The following PACRG variants were observed in gnomAD, a reference collection of about 807,000 sequenced individuals.
PACRG encodes parkin coregulated, also known as parkin coregulated gene protein.
A neutral mutation model predicts 29.7 loss-of-function variants in PACRG; 29 were observed. That is an observed-to-expected ratio of 0.98 (90% CI 0.73 to 1.33). The LOEUF (loss-of-function observed/expected upper bound fraction) is 1.33. Among genes scored for constraint, PACRG ranks in the 40% most tolerant of loss-of-function variants. The pLI is 0.00. For synonymous variants in PACRG, 116 were observed against 118.7 expected, an observed-to-expected ratio of 0.98 and a Z score of 0.15; for missense variants, 279 against 316.2, an observed-to-expected ratio of 0.88 and a Z score of 0.89.
chr6:163,077,242 A>G (rs1812629024), intron 3 of PACRG, among the ~76,000 whole-genome samples: 1 of 152,312 alleles, frequency 6.6e-6, no homozygotes, highest in East Asian at 1.9e-4. Flanking sequence ...ACGTGATTCT[A>G]TCATAAGCAG....
chr6:162,817,317 G>C (rs1787443120), intron 2 of PACRG, among the ~76,000 whole-genome samples: 1 of 152,180 alleles, frequency 6.6e-6, no homozygotes, highest in Non-Finnish European at 1.5e-5. Flanking sequence ...GGCACTCTAT[G>C]GTAACATCAG....
At chr6:162,857,751 G>C (rs550905635) in intron 2 of PACRG, among the ~76,000 whole-genome samples, 12 of 148,672 alleles carry the variant, frequency 8.1e-5, no homozygotes, top group Non-Finnish European at 1.5e-4. Context: ...GAATTCTCCA[G>C]ATGATCCATT....
intron 2 of PACRG, among the ~76,000 whole-genome samples, chr6:162,860,075 G>A (rs1791736696): frequency 6.6e-6 from 1 of 151,252 alleles, no homozygotes; most frequent in South Asian, 2.1e-4. Context: ...AGGTGGGGGT[G>A]GGGGAGAGAG....
chr6:162,972,977 T>C (rs1801653140), intron 2 of PACRG, among the ~76,000 whole-genome samples: 1 of 152,244 alleles, frequency 6.6e-6, no homozygotes, highest in Non-Finnish European at 1.5e-5. Flanking sequence ...TGTCATACTT[T>C]TGAAGAAGCT....
intron 4 of PACRG, among the ~76,000 whole-genome samples, chr6:163,137,526 G>A (rs1428704317): frequency 6.6e-6 from 1 of 152,118 alleles, no homozygotes; most frequent in African/African-American, 2.4e-5. Context: ...CAAGCGACAA[G>A]AACAGGGCGA....
intron 2 of PACRG, among the ~76,000 whole-genome samples, chr6:163,034,913 A>G (rs763183328): frequency 6.6e-6 from 1 of 152,232 alleles, no homozygotes; most frequent in Non-Finnish European, 1.5e-5. Context: ...CCATTGACAG[A>G]GCAGCCGTGA....
At chr6:162,985,433 A>G (rs116221831) in intron 2 of PACRG, among the ~76,000 whole-genome samples, 5,273 of 152,188 alleles carry the variant, frequency 0.035, 321 homozygotes, top group African/African-American at 0.12. Context: ...TAAACCACAT[A>G]AACGGAATTA....
chr6:162,801,234 G>A (rs6913341), intron 1 of PACRG, among the ~76,000 whole-genome samples: 67,190 of 151,838 alleles, frequency 0.44, 17,175 homozygotes, highest in African/African-American at 0.7. Context: ...TCAGCCTCCC[G>A]AGTAGCTGGG....
intron 4 of PACRG, among the ~76,000 whole-genome samples, chr6:163,265,477 G>C (rs1406057994): frequency 6.6e-6 from 1 of 152,194 alleles, no homozygotes; most frequent in African/African-American, 2.4e-5. Flanking sequence ...TTCAAGCACA[G>C]AATGAAGTGA....
intron 4 of PACRG, among the ~76,000 whole-genome samples, chr6:163,223,682 C>T (rs1309101509): frequency 6.6e-6 from 1 of 152,162 alleles, no homozygotes; most frequent in Non-Finnish European, 1.5e-5. Flanking sequence ...AGAAAGTGGT[C>T]AGAAAAGGCT....
chr6:162,806,757 C>A (rs754869563), intron 1 of PACRG, among the ~76,000 whole-genome samples: 2 of 152,128 alleles, frequency 1.3e-5, no homozygotes, highest in African/African-American at 4.8e-5. Context: ...TTTAAGTGCT[C>A]AGTGACCACT....
intron 4 of PACRG, among the ~76,000 whole-genome samples, chr6:163,279,617 T>A (rs1250636426): frequency 1.3e-5 from 2 of 152,186 alleles, no homozygotes; most frequent in Non-Finnish European, 2.9e-5. Flanking sequence ...GTTTTTGCTT[T>A]AAGGGCTCTT....
intron 2 of PACRG, among the ~76,000 whole-genome samples, chr6:162,830,706 TG>T (rs1220889049): frequency 6.6e-6 from 1 of 152,092 alleles, no homozygotes; most frequent in Non-Finnish European, 1.5e-5. Flanking sequence ...GCAGGCATGG[TG>T]GGGGGTAGAC....
intron 2 of PACRG, among the ~76,000 whole-genome samples, chr6:162,874,194 G>T (rs1251371628): frequency 6.7e-6 from 1 of 149,610 alleles, no homozygotes; most frequent in Admixed American, 6.7e-5. Context: ...ATGAAGGCTA[G>T]GGTATCAAAT....
At chr6:162,926,412 G>T (rs904388170) in intron 2 of PACRG, among the ~76,000 whole-genome samples, 3 of 152,066 alleles carry the variant, frequency 2.0e-5, no homozygotes, top group South Asian at 2.1e-4. Flanking sequence ...ATACTGCAAG[G>T]CTACATTAAC....
chr6:162,900,335 C>T (rs944486079), intron 2 of PACRG, among the ~76,000 whole-genome samples: 1 of 152,082 alleles, frequency 6.6e-6, no homozygotes, highest in African/African-American at 2.4e-5. Context: ...TTTCCATATC[C>T]GTCCCCATTC....
chr6:162,926,578 G>T (rs1237486873), intron 2 of PACRG, among the ~76,000 whole-genome samples: 1 of 152,150 alleles, frequency 6.6e-6, no homozygotes, highest in Non-Finnish European at 1.5e-5. Flanking sequence ...AACAAGTGAT[G>T]CTGTGAGAGA....
chr6:163,069,842 A>C (rs940232531), intron 3 of PACRG, among the ~76,000 whole-genome samples: 1 of 152,188 alleles, frequency 6.6e-6, no homozygotes, highest in African/African-American at 2.4e-5. Flanking sequence ...TTTAAGCCAA[A>C]GAAGACTACC....
At chr6:162,941,157 A>C (rs972208360) in intron 2 of PACRG, among the ~76,000 whole-genome samples, 1 of 152,042 alleles carries the variant, frequency 6.6e-6, no homozygotes, top group Non-Finnish European at 1.5e-5. Flanking sequence ...CTCTTCTCTA[A>C]TATTAAAGAG....
Sources: allele counts gnomAD v4.1 joint callset (sites outside exome capture counted in the v4.1 genomes callset), GRCh38; gene constraint gnomAD v4.1.1; transcripts MANE v1.5; gene names NCBI Gene and HGNC (gene_info 2026-07-23, HGNC 2026-07-21).